Variants in ATAD2 observed in about 807,000 individuals in gnomAD.
ATAD2 encodes ATPase family AAA domain containing 2.
ATAD2 carries 62 observed loss-of-function variants against 168.9 expected under a neutral mutation model. The observed-to-expected ratio is 0.37, with a 90% CI of 0.30 to 0.45. ATAD2 has a LOEUF of 0.45. Ranked by LOEUF, ATAD2 falls within the 20% of genes least tolerant of loss-of-function variation. The pLI is 1.00. For missense variants in ATAD2, 1,419 were observed against 1,667.8 expected (o/e 0.85, Z 2.60); for synonymous variants, 613 against 571.6 (o/e 1.07, Z -1.03).
At chr8:123,351,059 C>CT (rs1828440522) in intron 13 of ATAD2, among the ~76,000 whole-genome samples, 1 of 152,034 alleles carries the variant, frequency 6.6e-6, no homozygotes, top group Non-Finnish European at 1.5e-5. Context: ...TTCATGGATG[C>CT]TGGCTAAACC....
chr8:123,406,285 G>A (rs1210415772), intron 1 of ATAD2, among the ~76,000 whole-genome samples: 1 of 148,998 alleles, frequency 6.7e-6, no homozygotes, highest in Non-Finnish European at 1.5e-5. Context: ...GCTGAGACAG[G>A]AGAATTGTTT....
intron 1 of ATAD2, among the ~76,000 whole-genome samples, chr8:123,385,368 A>G (rs1829618075): frequency 6.6e-6 from 1 of 152,232 alleles, no homozygotes; most frequent in African/African-American, 2.4e-5. Flanking sequence ...TATTATTTTT[A>G]AATGTTTCAA....
chr8:123,328,413 G>GC lies in ATAD2; in HGVS notation c.3644_3645insG (p.Gly1216ArgfsTer12). ...CCACCGAAGACTCTCCTGTGTTTCC[G>GC]GTCTCATTATGATCTACACTTGTGT... is the stretch of plus-strand genomic sequence containing the variant. On this transcript the variant is annotated frameshift_variant, in exon 25 of 28. Coordinates refer to ENST00000287394, the MANE Select transcript of ATAD2 (RefSeq NM_014109.4). LOFTEE classifies it high-confidence loss of function. 6.2e-7 allele frequency: 1 copy of GC among 1,602,208 alleles called. No individual in the cohort carries two copies. The highest frequency in any genetic ancestry group is 1.1e-5 in the South Asian group (1 of 87,616).
At chr8:123,347,945 A>G in intron 15 of ATAD2, 2 of 540,174 alleles carry the variant, frequency 3.7e-6, no homozygotes, top group Non-Finnish European at 6.5e-6. Flanking sequence ...CTGATGGCCA[A>G]TTTGTCAAAT....
intron 25 of ATAD2, 25 bp downstream of exon 25, chr8:123,328,165 A>C: frequency 1.5e-6 from 2 of 1,344,722 alleles, no homozygotes; most frequent in South Asian, 4.7e-5. Context: ...AAATCAGTAA[A>C]TTATTTTAAT....
chr8:123,321,984 A>G (rs1827481480), intron 27 of ATAD2, among the ~76,000 whole-genome samples: 1 of 145,162 alleles, frequency 6.9e-6, no homozygotes, highest in Non-Finnish European at 1.5e-5. Context: ...TAAGTACATA[A>G]GTCTTTTTTT....
intron 12 of ATAD2, 102 bp downstream of exon 12, chr8:123,357,460 G>T: frequency 9.0e-7 from 1 of 1,111,832 alleles, no homozygotes; most frequent in Non-Finnish European, 1.2e-6. Flanking sequence ...AATTCTTCTG[G>T]GTTTATTTAG....
At chr8:123,385,413 C>T (rs1829619000) in intron 1 of ATAD2, among the ~76,000 whole-genome samples, 1 of 152,092 alleles carries the variant, frequency 6.6e-6, no homozygotes, top group African/African-American at 2.4e-5. Flanking sequence ...GCAGTGGATA[C>T]AGGTAAAGTC....
chr8:123,339,234 T>A, intron 20 of ATAD2, 77 bp downstream of exon 20: 1 of 1,253,082 alleles, frequency 8.0e-7, no homozygotes, highest in East Asian at 2.5e-5. Flanking sequence ...TGTTATCAGA[T>A]ACATGTCAAT....
At chr8:123,411,996 G>T (rs1260768879) in intron 1 of ATAD2, among the ~76,000 whole-genome samples, 3 of 152,142 alleles carry the variant, frequency 2.0e-5, no homozygotes, top group African/African-American at 7.2e-5. Context: ...GCATCTTTTG[G>T]TCAGTGGAAT....
chr8:123,361,672 C>A (rs1244108563), intron 8 of ATAD2, 26 bp from the exon 9 acceptor site: 10 of 1,565,008 alleles, frequency 6.4e-6, no homozygotes, highest in Non-Finnish European at 7.9e-6. Flanking sequence ...AAATTGAAAT[C>A]ATGATAAGGA....
chr8:123,333,771 G>T, intron 24 of ATAD2, 107 bp downstream of exon 24: 1 of 1,225,620 alleles, frequency 8.2e-7, no homozygotes, highest in Non-Finnish European at 1.1e-6. Context: ...CAAAATCAAT[G>T]TAATTCACTG....
intron 1 of ATAD2, among the ~76,000 whole-genome samples, chr8:123,414,133 C>G (rs1817527): frequency 7.0e-6 from 1 of 142,432 alleles, no homozygotes. Flanking sequence ...ATAGGGTATG[C>G]GGGAAATAAT....
intron 24 of ATAD2, 34 bp from the exon 25 acceptor site, chr8:123,328,613 C>T: frequency 2.0e-6 from 3 of 1,495,666 alleles, no homozygotes; most frequent in Non-Finnish European, 1.8e-6. Context: ...GATGAAAGAA[C>T]ATTCAACCAT....
At chr8:123,381,805 T>A (rs561853503) in intron 1 of ATAD2, among the ~76,000 whole-genome samples, 2 of 151,760 alleles carry the variant, frequency 1.3e-5, no homozygotes, top group Non-Finnish European at 2.9e-5. Flanking sequence ...CTTTGGGAGG[T>A]TGAGGTGGGC....
intron 1 of ATAD2, among the ~76,000 whole-genome samples, chr8:123,383,713 C>T (rs549525105): frequency 6.6e-5 from 10 of 150,962 alleles, no homozygotes; most frequent in Admixed American, 1.3e-4. Context: ...GCGGAGGTTG[C>T]GGTGAGCCGG....
chr8:123,369,966 ATCATCT>A lies in ATAD2; in HGVS notation c.780_785del (p.Glu260_Asp261del), dbSNP rs768707698. ...CATCGTCATCATCATCATCATCTTC[ATCATCT>A]TCATCTTCACCATCATCTTCATGTT... On this transcript the variant is annotated inframe_deletion, in exon 7 of 28. Transcript: ENST00000287394. 1 of 1,579,280 alleles carries A rather than the reference ATCATCT, an allele frequency of 6.3e-7. No homozygotes were observed. The highest frequency in any genetic ancestry group is 8.7e-7 in the Non-Finnish European group (1 of 1,151,128).
In ATAD2 at chr8:123,346,662, A is replaced by G; in HGVS notation, c.2301T>C (p.Ser767=). 6.3e-7 allele frequency: 1 copy of G among 1,585,826 alleles called. No individual in the cohort carries two copies. Among genetic ancestry groups the G allele is most frequent in the East Asian group, 2.3e-5 (1 of 44,064 alleles). The change falls in exon 17 of 28, where the codon TCT becomes TCC. Residue 767 remains serine, a synonymous_variant. Coordinates refer to ENST00000287394, the MANE Select transcript of ATAD2 (RefSeq NM_014109.4). The part of the protein sequence containing the change: ...SVYENGLSQK[S]SHKAKDNFNF... ...TAAAATTGTCTTTTGCCTTATGAGA[A>G]GATTTCTGAGAAAGTCCATTTTCAT...
chr8:123,371,594 G>A, intron 4 of ATAD2, 76 bp downstream of exon 4: 1 of 1,348,464 alleles, frequency 7.4e-7, no homozygotes, highest in South Asian at 1.4e-5. Context: ...GTTTGGGCTG[G>A]TTGAAATCCA....
Sources: allele counts gnomAD v4.1 joint callset (sites outside exome capture counted in the v4.1 genomes callset), GRCh38; gene constraint gnomAD v4.1.1; transcripts MANE v1.5; gene names NCBI Gene and HGNC (gene_info 2026-07-23, HGNC 2026-07-21).